Variants in TDRD9 observed in about 807,000 individuals in gnomAD.
TDRD9 encodes the protein ATP-dependent RNA helicase TDRD9.
TDRD9 carries 124 observed loss-of-function variants against 172.6 expected under a neutral mutation model. The observed-to-expected ratio is 0.72, with a 90% CI of 0.62 to 0.83. The LOEUF is 0.83. Among genes scored for constraint, TDRD9 ranks in the 40% least tolerant of loss-of-function variants. The pLI is 0.00. For missense variants in TDRD9, 1,479 were observed against 1,714.1 expected (o/e 0.86, Z 2.42); for synonymous variants, 619 against 617.1 (o/e 1.00, Z -0.05).
intron 1 of TDRD9, among the ~76,000 whole-genome samples, chr14:103,952,214 ATATATATT>A (rs2031943714): frequency 1.7e-5 from 1 of 57,398 alleles, no homozygotes; most frequent in Admixed American, 2.5e-4. Context: ...ATATATATAT[ATATATATT>A]TTTTTTTTTT....
At chr14:103,990,477 C>T (rs575699112) in intron 8 of TDRD9, among the ~76,000 whole-genome samples, 1 of 152,244 alleles carries the variant, frequency 6.6e-6, no homozygotes, top group Admixed American at 6.5e-5. Context: ...CCCAGCCAGC[C>T]CTCCTGAGAG....
chr14:103,980,865 T>C lies in TDRD9; in HGVS notation c.1011+5312T>C, dbSNP rs145558576. Among the ~76,000 whole-genome samples, 1,014 of 152,264 alleles carry C rather than the reference T, an allele frequency of 6.7e-3. 9 individuals are homozygous for C. The highest frequency in any genetic ancestry group is 0.023 in the African/African-American group (951 of 41,548). Reference sequence around the variant, plus strand: ...CGGGCATAACAGAAGGCTCGCACTCTTGTCTTCTGGTCACTTCTCACTATG... The same window carrying C: ...CGGGCATAACAGAAGGCTCGCACTCCTGTCTTCTGGTCACTTCTCACTATG... On this transcript the variant is annotated intron_variant, in intron 7 of 35. Transcript: ENST00000409874. This position sits in a 1 kb window ranked among gnomAD's most constrained non-coding sequence, Gnocchi z 4.5.
chr14:103,997,986 G>A lies in TDRD9; in HGVS notation c.1379-638G>A, dbSNP rs922236118. Among the ~76,000 whole-genome samples, 20 of 152,126 alleles carry A rather than the reference G, an allele frequency of 1.3e-4. No homozygotes were observed. Among genetic ancestry groups the A allele is most frequent in the Non-Finnish European group, 2.4e-4 (16 of 68,028 alleles). On this transcript the variant is annotated intron_variant, in intron 12 of 35. Transcript: ENST00000409874. This position sits in a 1 kb window ranked among gnomAD's most constrained non-coding sequence, Gnocchi z 5.1. ...GTAGGGGAGCAGAGGAAATGGGGCA[G>A]TAAGTGAAGGGGTGGCCCAAGGGAG...
At chr14:103,992,754 T>G (rs1394216812) in intron 9 of TDRD9, among the ~76,000 whole-genome samples, 2 of 151,934 alleles carry the variant, frequency 1.3e-5, no homozygotes, top group East Asian at 3.9e-4. Flanking sequence ...AAACCTCATC[T>G]TTACTGAAAA....
intron 20 of TDRD9, among the ~76,000 whole-genome samples, chr14:104,011,652 A>T (rs1014215779): frequency 2.6e-5 from 4 of 152,186 alleles, no homozygotes; most frequent in Non-Finnish European, 5.9e-5. Flanking sequence ...TTTAATCCAG[A>T]TCATGAAGTT....
At chr14:104,012,430 G>T (rs2152227078) in intron 20 of TDRD9, among the ~76,000 whole-genome samples, 1 of 152,080 alleles carries the variant, frequency 6.6e-6, no homozygotes, top group East Asian at 1.9e-4. Context: ...TATTTTCAGA[G>T]AGCTTACTCT....
chr14:103,952,181 C>T (rs12889843), intron 1 of TDRD9, among the ~76,000 whole-genome samples: 15 of 47,220 alleles, frequency 3.2e-4, no homozygotes, highest in South Asian at 6.9e-4. Flanking sequence ...TATGTGTGTG[C>T]GTGTGTGTGT....
At chr14:103,968,794 T>C (rs2032876788) in intron 5 of TDRD9, among the ~76,000 whole-genome samples, 1 of 2,168 alleles carries the variant, frequency 4.6e-4, no homozygotes, top group African/African-American at 8.8e-4. Flanking sequence ...AGACTCTGTC[T>C]CAAAAAAAAA....
chr14:103,950,069 C>T (rs1417924605), intron 1 of TDRD9, among the ~76,000 whole-genome samples: 12 of 149,294 alleles, frequency 8.0e-5, no homozygotes, highest in African/African-American at 2.5e-4. Flanking sequence ...TTTGATGGGC[C>T]CTGCCCTCTT....
rs141819306 is a variant in TDRD9 at position 104,051,989 on chromosome 14, A to C, written c.4056A>C (p.Pro1352=). The change falls in exon 36 of 36, where the codon CCA becomes CCC. Residue 1352 remains proline, a synonymous_variant. Transcript: ENST00000409874. ...CTTGTCTACCCCATTAGGTTGATCC[A>C]AAGCTGGTCATGGAGCAGGCCGACC... ...EKPYEWNQVD[P]KLVMEQADRE... 8.8e-6 allele frequency: 14 copies of C among 1,591,714 alleles called. No individual in the cohort carries two copies. The highest frequency in any genetic ancestry group is 1.2e-5 in the Non-Finnish European group (14 of 1,168,842).
At chr14:103,984,610 G>A (rs1444034508) in intron 7 of TDRD9, among the ~76,000 whole-genome samples, 1 of 152,218 alleles carries the variant, frequency 6.6e-6, no homozygotes, top group Non-Finnish European at 1.5e-5. Context: ...CTGGATGTCA[G>A]GGTAGAAGTT....
intron 20 of TDRD9, among the ~76,000 whole-genome samples, chr14:104,014,362 C>T (rs1422008008): frequency 2.6e-5 from 4 of 151,810 alleles, no homozygotes; most frequent in African/African-American, 4.8e-5. Flanking sequence ...TCACTGCAAC[C>T]GCTGCCCTCC....
intron 2 of TDRD9, among the ~76,000 whole-genome samples, chr14:103,956,100 AAAAAAAAAAAAATATAT>A (rs1226896830): frequency 9.9e-4 from 55 of 55,462 alleles, no homozygotes; most frequent in Non-Finnish European, 1.4e-3. Context: ...AAAAAAAAAA[AAAAAAAAAAAAATATAT>A]ATATATATAT....
In TDRD9 at chr14:104,040,313, C is replaced by G; in HGVS notation, c.3834C>G (p.Phe1278Leu). 1 of 1,551,152 alleles carries G rather than the reference C, an allele frequency of 6.4e-7. No individual in the cohort carries two copies. Among genetic ancestry groups the G allele is most frequent in the East Asian group, 2.4e-5 (1 of 40,886 alleles). ...HDMELAFDVQ[F>L]SVEDVVEVNI... ...TGGAGCTTGCGTTTGACGTTCAATT[C>G]AGCGTGGAGGATGTCGTCGAGGTAA... Residue 1278 changes from phenylalanine (F) to leucine (L), a missense_variant, in exon 33 of 36, where the codon TTC (phenylalanine) becomes TTG (leucine). Phe to Leu is a conservative substitution (Grantham distance 22). This residue lies in a region of TDRD9 where 1,413 missense variants were observed against 1,649.1 expected (regional missense o/e 0.86). Coordinates refer to ENST00000409874, the MANE Select transcript of TDRD9 (RefSeq NM_153046.3).
At chr14:103,951,407 C>T (rs769341687) in intron 1 of TDRD9, among the ~76,000 whole-genome samples, 7 of 152,274 alleles carry the variant, frequency 4.6e-5, no homozygotes, top group South Asian at 2.1e-4. Flanking sequence ...CCCTTTAATT[C>T]TTAATTCCAT....
chr14:103,934,177 TG>T, intron 1 of TDRD9, among the ~76,000 whole-genome samples: 1 of 152,226 alleles, frequency 6.6e-6, no homozygotes, highest in East Asian at 1.9e-4. Context: ...CCAGCATGCC[TG>T]GCTAATTTAT....
At chr14:104,018,928 A>G (rs2034872415) in intron 23 of TDRD9, among the ~76,000 whole-genome samples, 1 of 152,160 alleles carries the variant, frequency 6.6e-6, no homozygotes, top group African/African-American at 2.4e-5. Flanking sequence ...CCGGCATTTT[A>G]AGTTCCATTT....
chr14:104,018,146 T>G lies in TDRD9; in HGVS notation c.2386T>G (p.Phe796Val). Residue 796 changes from phenylalanine to valine, a missense_variant, in exon 23 of 36, where the codon TTT becomes GTT. Physicochemically the swap from Phe to Val is conservative, Grantham distance 50. Around this residue, in one of 3 missense-constraint regions of TDRD9, gnomAD observed 1,413 missense variants for 1,649.1 expected, o/e 0.86. Coordinates refer to ENST00000409874, the MANE Select transcript of TDRD9 (RefSeq NM_153046.3). ...FLYYKQLQSL[F>V]RQCGQVKSIV... Reference sequence around the variant, plus strand: ...TTACTATAAACAACTACAGTCTCTCTTTAGACAGTGTGGTCAAGTCAAATC... The same window carrying G: ...TTACTATAAACAACTACAGTCTCTCGTTAGACAGTGTGGTCAAGTCAAATC... The G allele has an allele frequency of 6.2e-7, 1 of 1,609,188 alleles. No homozygotes were observed. Among genetic ancestry groups the G allele is most frequent in the Non-Finnish European group, 8.5e-7 (1 of 1,176,896 alleles).
chr14:103,982,118 C>A (rs967033162), intron 7 of TDRD9, among the ~76,000 whole-genome samples: 1 of 152,148 alleles, frequency 6.6e-6, no homozygotes, highest in South Asian at 2.1e-4. Context: ...CATGTCTCAT[C>A]CTTCTTACCT....
Sources: gnomAD v4.1 joint callset for allele counts (sites outside exome capture counted in the v4.1 genomes callset) on GRCh38, gnomAD v4.1.1 for gene constraint, gnomAD v4.1.1 regional missense constraint, Gnocchi (gnomAD v3.1) non-coding constraint, MANE v1.5 for transcripts, NCBI Gene and HGNC (gene_info 2026-07-23, HGNC 2026-07-21) for gene names.